Variants in HHAT observed in about 807,000 individuals in gnomAD.
HHAT encodes the protein protein-cysteine N-palmitoyltransferase HHAT.
In HHAT, 47 loss-of-function variants were observed where a neutral mutation model predicts 70.8. The observed-to-expected ratio is 0.66, with a 90% confidence interval of 0.53 to 0.85. The LOEUF (loss-of-function observed/expected upper bound fraction) is 0.85, where lower values mean the gene tolerates loss of function less well. HHAT is among the 40% of genes least tolerant of loss of function. The probability of loss-of-function intolerance (pLI) is 0.00; values close to 1 mark genes in which losing one functional copy is unlikely to be tolerated. For missense variants in HHAT, 609 were observed against 604.8 expected (o/e 1.01, Z -0.07); for synonymous variants, 228 against 247.6 (o/e 0.92, Z 0.74).
intron 10 of HHAT, among the ~76,000 whole-genome samples, chr1:210,618,032 G>A (rs1668093956): frequency 6.6e-6 from 1 of 152,206 alleles, no homozygotes; most frequent in Non-Finnish European, 1.5e-5. Context: ...TGGATGCTGT[G>A]TAGTTGAGAA....
intron 8 of HHAT, among the ~76,000 whole-genome samples, chr1:210,470,471 T>C (rs80257960): frequency 6.6e-6 from 1 of 152,186 alleles, no homozygotes; most frequent in African/African-American, 2.4e-5. Flanking sequence ...CTTGTAACAT[T>C]CATATTTTAA....
chr1:210,601,996 C>T (rs947011505), intron 10 of HHAT, among the ~76,000 whole-genome samples: 2 of 128,618 alleles, frequency 1.6e-5, no homozygotes, highest in African/African-American at 5.7e-5. Context: ...TATGTGTGCA[C>T]ACACGCATGC....
chr1:210,662,630 C>T (rs1363541671), intron 11 of HHAT, among the ~76,000 whole-genome samples: 1 of 152,008 alleles, frequency 6.6e-6, no homozygotes, highest in Non-Finnish European at 1.5e-5. Context: ...GAAAGCAGGT[C>T]CCCTACCTAG....
At chr1:210,513,803 T>C (rs2095003001) in intron 9 of HHAT, among the ~76,000 whole-genome samples, 1 of 152,224 alleles carries the variant, frequency 6.6e-6, no homozygotes. Context: ...AATGTATTAA[T>C]ATTGAGCATG....
At chr1:210,643,911 A>ATTATATGGAGAAATTTCTTT (rs1553314967) in intron 11 of HHAT, among the ~76,000 whole-genome samples, 2 of 148,106 alleles carry the variant, frequency 1.4e-5, no homozygotes, top group African/African-American at 4.9e-5. Context: ...TGAAATTTTT[A>ATTATATGGAGAAATTTCTTT]TTTTATGGAG....
At chr1:210,358,598 G>A (rs1422375629) in intron 2 of HHAT, among the ~76,000 whole-genome samples, 1 of 152,166 alleles carries the variant, frequency 6.6e-6, no homozygotes, top group Admixed American at 6.5e-5. Context: ...CGTCTTTTCT[G>A]TGCCCCCTTC....
intron 10 of HHAT, among the ~76,000 whole-genome samples, chr1:210,592,637 T>C (rs1661993828): frequency 6.6e-6 from 1 of 152,160 alleles, no homozygotes; most frequent in Non-Finnish European, 1.5e-5. Flanking sequence ...ATGGATGTTT[T>C]AACAATATTG....
At chr1:210,362,058 T>C (rs1237287303) in intron 2 of HHAT, among the ~76,000 whole-genome samples, 2 of 151,656 alleles carry the variant, frequency 1.3e-5, no homozygotes, top group Non-Finnish European at 2.9e-5. Context: ...GTCTGGTTAC[T>C]GTACCTCCTC....
intron 7 of HHAT, among the ~76,000 whole-genome samples, chr1:210,419,729 GAT>G (rs1465111206): frequency 6.6e-6 from 1 of 152,210 alleles, no homozygotes; most frequent in Non-Finnish European, 1.5e-5. Context: ...CTAGTTTAAT[GAT>G]AGTCTCTTTC....
At position 210,614,436 on chromosome 1, in the gene HHAT, C is replaced by T. The variant is rs376354143; in HGVS notation, c.1246-9090C>T. Among the ~76,000 whole-genome samples, 6 of 151,986 alleles carry T rather than the reference C, an allele frequency of 3.9e-5. No homozygotes were observed. The South Asian group carries it at 6.2e-4, about 16-fold the overall frequency. On this transcript the variant is annotated intron_variant, in intron 10 of 11. Transcript: ENST00000261458. Reference sequence around the variant, plus strand: ...TTAAATATATATTTATTATACTTTACATTCTAGGATACATGTGCACAATGT... The same window carrying T: ...TTAAATATATATTTATTATACTTTATATTCTAGGATACATGTGCACAATGT...
chr1:210,363,066 T>C, intron 3 of HHAT, 147 bp downstream of exon 3: 1 of 691,696 alleles, frequency 1.4e-6, no homozygotes, highest in Non-Finnish European at 2.5e-6. Context: ...GTGAGTGTGC[T>C]GTGTTGGGGA....
At chr1:210,349,684 CTCTTGTCGCCCAGGCTAGAGCAA>C (rs2086843698) in intron 2 of HHAT, among the ~76,000 whole-genome samples, 1 of 144,584 alleles carries the variant, frequency 6.9e-6, no homozygotes, top group African/African-American at 2.5e-5. Flanking sequence ...CCTAGTTTCG[CTCTTGTCGCCCAGGCTAGAGCAA>C]TGGTACCATC....
At chr1:210,566,485 C>T (rs1654776644) in intron 9 of HHAT, among the ~76,000 whole-genome samples, 2 of 152,090 alleles carry the variant, frequency 1.3e-5, no homozygotes, top group South Asian at 4.1e-4. Context: ...GCAACCATCG[C>T]ACCCCTATCC....
chr1:210,398,004 G>T (rs1328719421), intron 4 of HHAT, among the ~76,000 whole-genome samples: 1 of 152,148 alleles, frequency 6.6e-6, no homozygotes, highest in Non-Finnish European at 1.5e-5. Context: ...TTGTTTGTTT[G>T]TTACTTATTT....
At chr1:210,432,478 T>C (rs1572399268) in intron 7 of HHAT, among the ~76,000 whole-genome samples, 1 of 152,112 alleles carries the variant, frequency 6.6e-6, no homozygotes, top group Non-Finnish European at 1.5e-5. Flanking sequence ...TGGGAGGTCA[T>C]AATTGACTTT....
Position 210,418,223 on chromosome 1 carries a change from C to A in HHAT, c.754C>A (p.Leu252Ile). 1 of 1,614,132 alleles carries A rather than the reference C, an allele frequency of 6.2e-7. No individual in the cohort carries two copies. Among genetic ancestry groups the A allele is most frequent in the South Asian group, 1.1e-5 (1 of 91,058 alleles). Reference sequence around the variant, plus strand: ...CCTGGCCCTGGGGCTGGGCCGCCTTCTTTGCTGGTGGTGGCTGGCCGAGCT... The same window carrying A: ...CCTGGCCCTGGGGCTGGGCCGCCTTATTTGCTGGTGGTGGCTGGCCGAGCT... Reference protein sequence around the residue: ...CVLALGLGRLLCWWWLAELMA... With the variant: ...CVLALGLGRLICWWWLAELMA... The change falls in exon 7 of 12, where the codon CTT becomes ATT. Residue 252 changes from leucine to isoleucine, a missense_variant. Transcript: ENST00000261458.
In HHAT at chr1:210,349,061, C is replaced by G. The variant is rs752918841; in HGVS notation, c.86C>G (p.Ser29Cys). The G allele has an allele frequency of 6.2e-7, 1 of 1,613,914 alleles. No homozygotes were observed. Among genetic ancestry groups the G allele is most frequent in the Non-Finnish European group, 8.5e-7 (1 of 1,179,966 alleles). ...FYSFYEVYKV[S>C]REHEEELDQE... ...TCCTTCTATGAAGTTTACAAAGTCT[C>G]CAGAGGTAAGGCCCCAAGCTTTTCA... The change falls in exon 2 of 12, where the codon TCC becomes TGC. Residue 29 changes from serine to cysteine, a missense_variant. Physicochemically the swap from Ser to Cys is moderately radical, Grantham distance 112 (BLOSUM62 -1). Coordinates refer to ENST00000261458, the MANE Select transcript of HHAT (RefSeq NM_018194.6).
chr1:210,407,661 G>C (rs1451967422), intron 6 of HHAT, among the ~76,000 whole-genome samples: 2 of 152,180 alleles, frequency 1.3e-5, no homozygotes, highest in African/African-American at 2.4e-5. Context: ...GCTATTTCTG[G>C]TGGCATTTAG....
At chr1:210,584,134 G>C (rs1225602422) in intron 9 of HHAT, among the ~76,000 whole-genome samples, 2 of 151,558 alleles carry the variant, frequency 1.3e-5, no homozygotes, top group Admixed American at 6.6e-5. Context: ...GTAGAGACAG[G>C]GTTCACCACG....
Sources: gnomAD v4.1 joint callset for allele counts (sites outside exome capture counted in the v4.1 genomes callset) on GRCh38, gnomAD v4.1.1 for gene constraint, MANE v1.5 for transcripts, NCBI Gene and HGNC (gene_info 2026-07-23, HGNC 2026-07-21) for gene names.